PPP1R1C: variants seen among roughly 807,000 people sequenced by gnomAD.
PPP1R1C encodes protein phosphatase 1 regulatory subunit 1C.
PPP1R1C carries 15 observed loss-of-function variants against 17.4 expected under a neutral mutation model. The observed-to-expected ratio is 0.86, with a 90% CI of 0.58 to 1.33. The LOEUF (loss-of-function observed/expected upper bound fraction) is 1.33, where lower values mean the gene tolerates loss of function less well. Ranked by LOEUF, PPP1R1C falls within the 40% of genes most tolerant of loss-of-function variation. The probability of loss-of-function intolerance (pLI) is 0.00; values close to 1 mark genes in which losing one functional copy is unlikely to be tolerated. For missense variants in PPP1R1C, 143 were observed against 130.0 expected, an observed-to-expected ratio of 1.10 and a Z score of -0.48; for synonymous variants, 35 against 43.1, an observed-to-expected ratio of 0.81 and a Z score of 0.73.
At chr2:182,087,366 A>G (rs1688657490) in intron 4 of PPP1R1C, among the ~76,000 whole-genome samples, 1 of 152,210 alleles carries the variant, frequency 6.6e-6, no homozygotes, top group Non-Finnish European at 1.5e-5. Context: ...TTCCTTAAAA[A>G]TGCCAGTCAC....
chr2:182,125,270 GC>G, intron 5 of PPP1R1C, among the ~76,000 whole-genome samples: 1 of 152,280 alleles, frequency 6.6e-6, no homozygotes, highest in South Asian at 2.1e-4. Context: ...CAGTAGATAA[GC>G]TTTTTGCTGT....
chr2:181,990,487 C>T (rs996850568), intron 2 of PPP1R1C, among the ~76,000 whole-genome samples: 1 of 152,136 alleles, frequency 6.6e-6, no homozygotes, highest in Admixed American at 6.5e-5. Flanking sequence ...TCATAGTGTT[C>T]TTTCTTTCAA....
chr2:181,996,226 C>A lies in PPP1R1C; in HGVS notation c.142+8327C>A, dbSNP rs373035567. Among the ~76,000 whole-genome samples, 88 of 152,226 alleles carry A rather than the reference C, an allele frequency of 5.8e-4. 1 individual carries two copies. The highest frequency in any genetic ancestry group is 2.0e-3 in the African/African-American group (85 of 41,542). ...TACTCTGAAGATATAACACGTTGTC[C>A]TTGACACCTTAGAAAAATTGCCTAC... On this transcript the variant is annotated intron_variant, in intron 2 of 4. Transcript: ENST00000682840.
At chr2:182,113,539 A>G (rs1185108372) in intron 4 of PPP1R1C, among the ~76,000 whole-genome samples, 2 of 152,190 alleles carry the variant, frequency 1.3e-5, no homozygotes, top group Non-Finnish European at 2.9e-5. Flanking sequence ...CCTTTCTCGT[A>G]CTGCCAACTT....
intron 2 of PPP1R1C, among the ~76,000 whole-genome samples, chr2:182,060,273 T>G (rs546087707): frequency 6.6e-6 from 1 of 152,254 alleles, no homozygotes; most frequent in South Asian, 2.1e-4. Context: ...TCTAGCTGTT[T>G]AGCCAGTTTG....
chr2:182,002,425 C>G (rs142821372), intron 2 of PPP1R1C, among the ~76,000 whole-genome samples: 5 of 152,140 alleles, frequency 3.3e-5, no homozygotes, highest in Admixed American at 3.3e-4. Flanking sequence ...AAATTTTATA[C>G]TCTAAGAAAT....
chr2:182,029,049 GT>G (rs1207763003), intron 2 of PPP1R1C, among the ~76,000 whole-genome samples: 2 of 142,738 alleles, frequency 1.4e-5, no homozygotes, highest in Middle Eastern at 3.3e-3. Context: ...GCCTTTTTTT[GT>G]TTTCCCTTGG....
chr2:182,003,903 C>T (rs1443736136), intron 2 of PPP1R1C, among the ~76,000 whole-genome samples: 1 of 152,054 alleles, frequency 6.6e-6, no homozygotes, highest in African/African-American at 2.4e-5. Context: ...AACACATAGC[C>T]CAGTTTTGAT....
intron 2 of PPP1R1C, among the ~76,000 whole-genome samples, chr2:182,059,081 G>A (rs897559363): frequency 6.6e-6 from 1 of 151,956 alleles, no homozygotes; most frequent in Non-Finnish European, 1.5e-5. Context: ...TATCTTAAGG[G>A]CATTCTAACT....
At chr2:182,067,354 A>G (rs1688014374) in intron 4 of PPP1R1C, among the ~76,000 whole-genome samples, 1 of 151,602 alleles carries the variant, frequency 6.6e-6, no homozygotes, top group Non-Finnish European at 1.5e-5. Flanking sequence ...TTTTTTTTCA[A>G]CCCCTTCTCA....
intron 2 of PPP1R1C, among the ~76,000 whole-genome samples, chr2:182,000,915 T>A (rs1031356193): frequency 6.6e-6 from 1 of 152,090 alleles, no homozygotes; most frequent in African/African-American, 2.4e-5. Context: ...GCCTTATAAT[T>A]CCTCTCTGGA....
chr2:182,036,616 A>G (rs954333760), intron 2 of PPP1R1C, among the ~76,000 whole-genome samples: 8 of 152,196 alleles, frequency 5.3e-5, no homozygotes, highest in Non-Finnish European at 7.3e-5. Flanking sequence ...TCAACATTTC[A>G]TAATTCTAAA....
intron 5 of PPP1R1C, among the ~76,000 whole-genome samples, chr2:182,124,327 G>GTTTTTTTTT (rs1294464668): frequency 6.0e-5 from 5 of 83,006 alleles, no homozygotes; most frequent in Admixed American, 1.3e-4. Flanking sequence ...TTTTTTTTTT[G>GTTTTTTTTT]TTTTTTTTTT....
chr2:181,997,329 T>TA (rs1169433658), intron 2 of PPP1R1C, among the ~76,000 whole-genome samples: 5 of 151,500 alleles, frequency 3.3e-5, no homozygotes, highest in Admixed American at 1.3e-4. Flanking sequence ...CAACTGTATG[T>TA]AAAAAAAAGA....
At chr2:181,987,743 G>A (rs1460720778) in intron 1 of PPP1R1C, 96 bp from the exon 2 acceptor site, 22 of 1,263,214 alleles carry the variant, frequency 1.7e-5, no homozygotes, top group Non-Finnish European at 1.1e-6. Context: ...TTGCATGTGG[G>A]GAAAAGATGA....
At chr2:182,072,224 A>G (rs983142204) in intron 4 of PPP1R1C, among the ~76,000 whole-genome samples, 3 of 152,200 alleles carry the variant, frequency 2.0e-5, no homozygotes, top group African/African-American at 7.2e-5. Flanking sequence ...TGCCATTTTT[A>G]TGGACTTGCT....
chr2:182,038,142 A>G (rs1687069333), intron 2 of PPP1R1C, among the ~76,000 whole-genome samples: 1 of 151,978 alleles, frequency 6.6e-6, no homozygotes, highest in East Asian at 1.9e-4. Context: ...GGCTCATTCC[A>G]TCCTTCCACC....
intron 4 of PPP1R1C, among the ~76,000 whole-genome samples, chr2:182,069,385 T>A (rs1688078194): frequency 6.6e-6 from 1 of 152,018 alleles, no homozygotes; most frequent in Non-Finnish European, 1.5e-5. Flanking sequence ...CATCTTTGGA[T>A]GTGGAGGGTG....
rs567949350 is a variant in PPP1R1C, at chr2:182,067,487, C to T, written c.241+3696C>T. Among the ~76,000 whole-genome samples, 6 of 152,140 alleles carry T rather than the reference C, an allele frequency of 3.9e-5. No homozygotes were observed. The East Asian group carries it at 7.7e-4, about 20-fold the overall frequency. ...AGTGGCAATAATGGCAAGAATAAGA[C>T]GTACTTCAGATCACCAAATGAAACA... is the stretch of plus-strand genomic sequence containing the variant. On this transcript the variant is annotated intron_variant, in intron 4 of 4. Coordinates refer to ENST00000682840, the MANE Select transcript of PPP1R1C (RefSeq NM_001080545.3).
Sources: allele counts gnomAD v4.1 joint callset (sites outside exome capture counted in the v4.1 genomes callset), GRCh38; gene constraint gnomAD v4.1.1; transcripts MANE v1.5; gene names NCBI Gene and HGNC (gene_info 2026-07-23, HGNC 2026-07-21).